The following CTNNA3 variants were observed in gnomAD, a reference collection of about 807,000 sequenced individuals.
CTNNA3 encodes catenin alpha 3.
A neutral mutation model predicts 95.7 loss-of-function variants in CTNNA3; 76 were observed. The ratio of observed to expected loss-of-function variants is 0.79; its 90% CI spans 0.66 to 0.96. The LOEUF is 0.96. CTNNA3 is among the 40% of genes least tolerant of loss of function. The probability of loss-of-function intolerance (pLI) is 0.00; values close to 1 mark genes in which losing one functional copy is unlikely to be tolerated. For missense variants in CTNNA3, 1,191 were observed against 1,089.8 expected, an observed-to-expected ratio of 1.09 and a Z score of -1.31; for synonymous variants, 431 against 374.4, an observed-to-expected ratio of 1.15 and a Z score of -1.74.
At chr10:67,089,891 G>T (rs996752512) in intron 7 of CTNNA3, among the ~76,000 whole-genome samples, 6 of 151,822 alleles carry the variant, frequency 4.0e-5, no homozygotes, top group African/African-American at 1.5e-4. Context: ...CATCATGTTT[G>T]TTCTCCATTT....
At position 66,736,214 on chromosome 10, in the gene CTNNA3, C is replaced by A. The variant is rs997931457; in HGVS notation, c.1281+30050G>T. On this transcript the variant is annotated intron_variant, in intron 9 of 17. Coordinates refer to ENST00000433211, the MANE Select transcript of CTNNA3 (RefSeq NM_013266.4). ...TACTTTTTTTTTTTTTAGACTGAGT[C>A]TCGCCCTGTCGCCCAGGCTGGAGTG... Among the ~76,000 whole-genome samples the A allele has an allele frequency of 2.0e-5, 3 of 151,476 alleles. No homozygotes were observed. The East Asian group carries it at 5.8e-4, about 29-fold the overall frequency.
At chr10:65,978,993 T>C (rs1397821360) in intron 16 of CTNNA3, among the ~76,000 whole-genome samples, 4 of 152,142 alleles carry the variant, frequency 2.6e-5, no homozygotes, top group Non-Finnish European at 4.4e-5. Context: ...TCATATGGTA[T>C]GTTCAAGACT....
At chr10:66,471,423 A>G (rs1304839234) in intron 11 of CTNNA3, among the ~76,000 whole-genome samples, 3 of 151,892 alleles carry the variant, frequency 2.0e-5, no homozygotes, top group South Asian at 2.1e-4. Context: ...GTTCTTCAGC[A>G]TATTGAGATG....
chr10:66,007,759 T>TTCCTTCCTCTCTCCCACCCTTCCTTTCC (rs2078923002), intron 15 of CTNNA3, among the ~76,000 whole-genome samples: 1 of 83,454 alleles, frequency 1.2e-5, no homozygotes, highest in Non-Finnish European at 2.2e-5. Context: ...TCCCCCTCCC[T>TTCCTTCCTCTCTCCCACCCTTCCTTTCC]CCCTCCCTCT....
At position 66,131,066 on chromosome 10, in the gene CTNNA3, C is replaced by CAA. The variant is rs571726484; in HGVS notation, c.1885-27819_1885-27818dup. On this transcript the variant is annotated intron_variant, in intron 13 of 17. Coordinates refer to ENST00000433211, the MANE Select transcript of CTNNA3 (RefSeq NM_013266.4). ...ATTGAATCAGTAATAAATTGCCTAC[C>CAA]AAAAAAAAAAAAAAAAGAAGAAGAA... Among the ~76,000 whole-genome samples the CAA allele has an allele frequency of 2.0e-3, 231 of 113,770 alleles. 1 individual carries two copies. Among genetic ancestry groups the CAA allele is most frequent in the South Asian group, 0.012 (41 of 3,540 alleles). 74.6% of individuals were successfully genotyped at this position (113,770 alleles called of 152,430 possible).
At chr10:67,432,279 T>TAA (rs1328266005) in intron 5 of CTNNA3, among the ~76,000 whole-genome samples, 3 of 152,018 alleles carry the variant, frequency 2.0e-5, no homozygotes, top group African/African-American at 7.2e-5. Flanking sequence ...AATGTACACT[T>TAA]ACATTAAAAA....
At chr10:66,214,756 C>T (rs1445755208) in intron 13 of CTNNA3, among the ~76,000 whole-genome samples, 1 of 152,046 alleles carries the variant, frequency 6.6e-6, no homozygotes, top group Non-Finnish European at 1.5e-5. Flanking sequence ...AGTCTATTAG[C>T]TAGAGGAACT....
chr10:66,450,780 T>C (rs1288847359), intron 11 of CTNNA3, among the ~76,000 whole-genome samples: 1 of 152,150 alleles, frequency 6.6e-6, no homozygotes, highest in African/African-American at 2.4e-5. Context: ...CAACTTATTA[T>C]TTCTTCTTTT....
chr10:66,152,069 C>T (rs1215889773), intron 13 of CTNNA3, among the ~76,000 whole-genome samples: 1 of 151,866 alleles, frequency 6.6e-6, no homozygotes, highest in Non-Finnish European at 1.5e-5. Flanking sequence ...GTTTATATAA[C>T]CATGACAAAT....
intron 13 of CTNNA3, among the ~76,000 whole-genome samples, chr10:66,249,060 C>A (rs1248620715): frequency 6.6e-6 from 1 of 152,134 alleles, no homozygotes; most frequent in African/African-American, 2.4e-5. Flanking sequence ...AAAAGACAGT[C>A]TCTTCAATAA....
rs140390582 is a variant in CTNNA3, at chr10:66,538,989, G to A, written c.1375-18216C>T. Reference sequence around the variant, plus strand: ...ATCTTACCTAACCTGTAGAACTTCCGTTCAAGTAATATGGTGTATGTTAAA... The same window carrying A: ...ATCTTACCTAACCTGTAGAACTTCCATTCAAGTAATATGGTGTATGTTAAA... On this transcript the variant is annotated intron_variant, in intron 10 of 17. Coordinates refer to ENST00000433211, the MANE Select transcript of CTNNA3 (RefSeq NM_013266.4). 6.0e-4 allele frequency among the ~76,000 whole-genome samples: 92 copies of A among 152,082 alleles called. 1 individual carries two copies. The highest frequency in any genetic ancestry group is 4.8e-3 in the Admixed American group (73 of 15,276).
At chr10:66,026,165 G>T (rs2079330472) in intron 15 of CTNNA3, among the ~76,000 whole-genome samples, 1 of 152,124 alleles carries the variant, frequency 6.6e-6, no homozygotes, top group Non-Finnish European at 1.5e-5. Context: ...GAATGTCTGT[G>T]TCATCCTGCT....
At chr10:66,135,601 T>C (rs968473296) in intron 13 of CTNNA3, among the ~76,000 whole-genome samples, 2 of 152,170 alleles carry the variant, frequency 1.3e-5, no homozygotes, top group African/African-American at 2.4e-5. Context: ...GCAAGAATCA[T>C]CAATGGATGC....
At position 66,364,312 on chromosome 10, in the gene CTNNA3, G is replaced by A. The variant is rs182996666; in HGVS notation, c.1732+14840C>T. Among the ~76,000 whole-genome samples the A allele has an allele frequency of 2.6e-3, 333 of 127,570 alleles. 2 individuals carry two copies. The highest frequency in any genetic ancestry group is 7.8e-3 in the African/African-American group (312 of 39,850). 83.7% of individuals were successfully genotyped at this position (127,570 alleles called of 152,430 possible). On this transcript the variant is annotated intron_variant, in intron 12 of 17. Transcript: ENST00000433211. ...AATCCCAGAACTTTGGGAGGCTGAG[G>A]TGGGAGGATCACTTGAGCCCAGGAG...
chr10:67,527,508 C>T (rs1427770057), intron 4 of CTNNA3, among the ~76,000 whole-genome samples: 1 of 152,218 alleles, frequency 6.6e-6, no homozygotes, highest in East Asian at 1.9e-4. Flanking sequence ...GTTCAGCTTA[C>T]ACAATTCTGA....
intron 5 of CTNNA3, among the ~76,000 whole-genome samples, chr10:67,504,505 T>C (rs1425287105): frequency 1.1e-5 from 1 of 87,450 alleles, no homozygotes; most frequent in Non-Finnish European, 2.4e-5. Context: ...GAAAAAAAAA[T>C]AGAGTAACAA....
chr10:66,072,080 C>A (rs1419566732), intron 14 of CTNNA3, among the ~76,000 whole-genome samples: 1 of 152,170 alleles, frequency 6.6e-6, no homozygotes, highest in African/African-American at 2.4e-5. Context: ...ATTGCAAGAG[C>A]AGTCATGAAT....
chr10:66,764,669 A>G (rs1298195138), intron 9 of CTNNA3, among the ~76,000 whole-genome samples: 1 of 152,194 alleles, frequency 6.6e-6, no homozygotes, highest in Non-Finnish European at 1.5e-5. Context: ...ACACATTTTT[A>G]GATAACACTT....
At chr10:66,361,488 T>TTC (rs1293711596) in intron 12 of CTNNA3, among the ~76,000 whole-genome samples, 17 of 150,544 alleles carry the variant, frequency 1.1e-4, no homozygotes, top group Middle Eastern at 3.4e-3. Context: ...CTATTTTTCT[T>TTC]TCTCTCTCTC....
Sources: allele counts gnomAD v4.1 joint callset (sites outside exome capture counted in the v4.1 genomes callset), GRCh38; gene constraint gnomAD v4.1.1; transcripts MANE v1.5; gene names NCBI Gene and HGNC (gene_info 2026-07-23, HGNC 2026-07-21).